The following MTMR9 variants were observed in gnomAD, a reference collection of about 807,000 sequenced individuals.
MTMR9 encodes the protein myotubularin related protein 9, also known as myotubularin-related protein 9.
Under a neutral mutation model 69.5 loss-of-function variants are expected in MTMR9, and 39 were observed. The ratio of observed to expected loss-of-function variants is 0.56; its 90% confidence interval spans 0.43 to 0.73. MTMR9 has a LOEUF of 0.73. MTMR9 is among the 30% of genes least tolerant of loss of function. The pLI is 0.00. For synonymous variants in MTMR9, 354 were observed against 240.8 expected (o/e 1.47, Z -4.35); for missense variants, 900 against 671.2 (o/e 1.34, Z -3.77).
Position 11,324,697 on chromosome 8 carries a change from A to C in MTMR9, c.*1909A>C, listed in dbSNP as rs1003268601. 1 of 152,254 alleles carries C rather than the reference A, an allele frequency of 6.6e-6. No individual in the cohort carries two copies. The highest frequency in any genetic ancestry group is 1.5e-5 in the Non-Finnish European group (1 of 68,014). The allele number at this position is 152,254 out of a possible 1,614,324, so 9.4% of individuals were successfully genotyped here. A position where few individuals can be genotyped will look rare whatever the true frequency, so the allele number is the denominator to read the frequency against. ...AACCATCTAGAGAGTTTTCTTTAGA[A>C]GTGACTCCCATTAGCCTGGTGTGGT... On this transcript the variant is annotated 3_prime_UTR_variant, in exon 10 of 10. Transcript: ENST00000221086.
downstream of MTMR9, chr8:11,332,273 G>C: frequency 1.6e-6 from 2 of 1,265,706 alleles, no homozygotes; most frequent in Non-Finnish European, 2.1e-6. Flanking sequence ...ATAATATTGA[G>C]ATGTTCAGTT....
the MTMR9 span, among the ~76,000 whole-genome samples, chr8:11,335,046 C>T: frequency 6.6e-6 from 1 of 152,170 alleles, no homozygotes; most frequent in Non-Finnish European, 1.5e-5. Context: ...TCTCACGACT[C>T]CTTTCAACAT....
At chr8:11,309,007 T>C (rs911583424) in intron 5 of MTMR9, among the ~76,000 whole-genome samples, 2 of 152,182 alleles carry the variant, frequency 1.3e-5, no homozygotes, top group African/African-American at 4.8e-5. Flanking sequence ...ATTTAATTTC[T>C]CCCCATATCG....
In MTMR9 at chr8:11,295,205, C is replaced by T. The variant is rs1799508001; in HGVS notation, c.194C>T (p.Ser65Leu). 6.3e-6 allele frequency: 10 copies of T among 1,594,166 alleles called. No homozygotes were observed. Among genetic ancestry groups the T allele is most frequent in the African/African-American group, 2.7e-5 (2 of 74,400 alleles). The change falls in exon 2 of 10, where the codon TCA becomes TTA. Residue 65 changes from serine to leucine, a missense_variant. Coordinates refer to ENST00000221086, the MANE Select transcript of MTMR9 (RefSeq NM_015458.4). ...IDAIDKRFVG[S>L]LGTIIIKCKD... Reference sequence around the variant, plus strand: ...GCAATTTCTTACAGATTTGTAGGATCACTGGGTACCATCATCATAAAATGT... The same window carrying T: ...GCAATTTCTTACAGATTTGTAGGATTACTGGGTACCATCATCATAAAATGT...
rs151157875 is a variant in MTMR9, at chr8:11,297,631, G to C, written c.291+2329G>C. ...GATCTGTAAGATGACTGGCTGGTTG[G>C]TGTCAGAGATGCTGCCTGTGGTGAG... On this transcript the variant is annotated intron_variant, in intron 2 of 9. Coordinates refer to ENST00000221086, the MANE Select transcript of MTMR9 (RefSeq NM_015458.4). 2.2e-3 allele frequency among the ~76,000 whole-genome samples: 327 copies of C among 152,020 alleles called. 1 individual carries two copies. Among genetic ancestry groups the C allele is most frequent in the African/African-American group, 7.6e-3 (313 of 41,440 alleles).
At chr8:11,305,821 C>T (rs976554378) in intron 4 of MTMR9, among the ~76,000 whole-genome samples, 1 of 152,178 alleles carries the variant, frequency 6.6e-6, no homozygotes, top group African/African-American at 2.4e-5. Flanking sequence ...CCTGCCAACT[C>T]TATGTATGTT....
At chr8:11,285,196 G>A (rs1799103663) in intron 1 of MTMR9, 126 bp downstream of exon 1, 1 of 953,298 alleles carries the variant, frequency 1.0e-6, no homozygotes, top group Admixed American at 3.1e-5. Flanking sequence ...AGCCCTCTGT[G>A]GCCTAGAATC....
At chr8:11,312,799 G>A (rs1800255479) in intron 6 of MTMR9, among the ~76,000 whole-genome samples, 1 of 152,188 alleles carries the variant, frequency 6.6e-6, no homozygotes, top group Non-Finnish European at 1.5e-5. Context: ...CTTGAAAGCT[G>A]AAATTACTCT....
chr8:11,311,635 C>G lies in MTMR9; in HGVS notation c.971+1947C>G, dbSNP rs1800201457. 2.6e-5 allele frequency among the ~76,000 whole-genome samples: 4 copies of G among 152,262 alleles called. No homozygotes were observed. The South Asian group carries it at 8.3e-4, about 32-fold the overall frequency. ...GGCCCTGGTAGAGGGCCTTGCCTCC[C>G]CATTGATGGCTGCTGACTGATCAGG... On this transcript the variant is annotated intron_variant, in intron 6 of 9. Coordinates refer to ENST00000221086, the MANE Select transcript of MTMR9 (RefSeq NM_015458.4).
the MTMR9 span, among the ~76,000 whole-genome samples, chr8:11,336,305 G>A: frequency 2.0e-5 from 3 of 152,144 alleles, no homozygotes; most frequent in Non-Finnish European, 4.4e-5. Flanking sequence ...TTTGTATTTG[G>A]TTCCATTTAC....
At chr8:11,287,035 C>T (rs1015631922) in intron 1 of MTMR9, among the ~76,000 whole-genome samples, 5 of 152,312 alleles carry the variant, frequency 3.3e-5, no homozygotes, top group Admixed American at 6.5e-5. Flanking sequence ...CAGTTCTTGT[C>T]TTTCAGGAGT....
chr8:11,298,581 C>G (rs929438881), intron 2 of MTMR9, among the ~76,000 whole-genome samples: 1 of 151,982 alleles, frequency 6.6e-6, no homozygotes, highest in Non-Finnish European at 1.5e-5. Flanking sequence ...TTTTGCATGC[C>G]TGATCTTCCT....
At chr8:11,310,145 A>G (rs374204160) in intron 6 of MTMR9, among the ~76,000 whole-genome samples, 1 of 152,228 alleles carries the variant, frequency 6.6e-6, no homozygotes, top group Non-Finnish European at 1.5e-5. Context: ...ATTTCATACT[A>G]CTTGATATGT....
At chr8:11,299,946 A>G in intron 2 of MTMR9, 77 bp from the exon 3 acceptor site, 1 of 1,516,200 alleles carries the variant, frequency 6.6e-7, no homozygotes, top group Non-Finnish European at 8.9e-7. Context: ...ATGTTTGCTT[A>G]ATACTAATTT....
chr8:11,295,446 A>G lies in MTMR9; in HGVS notation c.291+144A>G, dbSNP rs2117372029. 1.5e-5 allele frequency: 9 copies of G among 619,924 alleles called. No homozygotes were observed. The South Asian group carries it at 1.5e-4, about 11-fold the overall frequency. 38.4% of individuals were successfully genotyped at this position (619,924 alleles called of 1,614,324 possible). ...GATAGGAAAAGCCTCACCCTGGTTC[A>G]TCGTCATATGAGTGTAATGGAACTT... On this transcript the variant is annotated intron_variant, in intron 2 of 9. Transcript: ENST00000221086.
In MTMR9 at chr8:11,322,678, G is replaced by C; in HGVS notation, c.1540G>C (p.Glu514Gln). Residue 514 changes from glutamate (E) to glutamine (Q), a missense_variant, in exon 10 of 10, where the codon GAA (glutamate) becomes CAA (glutamine). Coordinates refer to ENST00000221086, the MANE Select transcript of MTMR9 (RefSeq NM_015458.4). Reference sequence around the variant, plus strand: ...TAAGTATTTGGATGAAGCATATGAAGAAATGGTTAACATCATTGAATATAA... The same window carrying C: ...TAAGTATTTGGATGAAGCATATGAACAAATGGTTAACATCATTGAATATAA... ...SSKYLDEAYE[E>Q]MVNIIEYNKE... 1.2e-6 allele frequency: 2 copies of C among 1,613,806 alleles called. No individual in the cohort carries two copies. The highest frequency in any genetic ancestry group is 1.7e-6 in the Non-Finnish European group (2 of 1,179,766).
chr8:11,294,879 C>T, intron 1 of MTMR9: 1 of 163,304 alleles, frequency 6.1e-6, no homozygotes, highest in East Asian at 1.7e-4. Flanking sequence ...CCAGAAATAT[C>T]TCTCTACAAA....
chr8:11,325,946 A>T lies in MTMR9; in HGVS notation c.*3158A>T, dbSNP rs762129123. The stretch of plus-strand genomic sequence containing the variant: ...ATAATAGACATTCATGTCAGATCCC[A>T]TATGGGGGATTTTTAAACATTTCTT... On this transcript the variant is annotated 3_prime_UTR_variant, in exon 10 of 10. Transcript: ENST00000221086. The T allele has an allele frequency of 6.6e-6, 1 of 152,188 alleles. No homozygotes were observed. Among genetic ancestry groups the T allele is most frequent in the Non-Finnish European group, 1.5e-5 (1 of 68,032 alleles). 9.4% of individuals were successfully genotyped at this position (152,188 alleles called of 1,614,324 possible).
At chr8:11,333,457 A>C in the MTMR9 span, among the ~76,000 whole-genome samples, 4 of 152,190 alleles carry the variant, frequency 2.6e-5, no homozygotes, top group African/African-American at 9.6e-5. Flanking sequence ...ATTTTTAAAA[A>C]GCTTAGGGAT....
Sources: gnomAD v4.1 joint callset for allele counts (sites outside exome capture counted in the v4.1 genomes callset) on GRCh38, gnomAD v4.1.1 for gene constraint, MANE v1.5 for transcripts, NCBI Gene and HGNC (gene_info 2026-07-23, HGNC 2026-07-21) for gene names.